Variants in MGAM observed in about 807,000 individuals in gnomAD.
The protein encoded by MGAM is alpha-1,4-glucosidase.
In MGAM, 253 loss-of-function variants were observed where a neutral mutation model predicts 358.8. The ratio of observed to expected loss-of-function variants is 0.71; its 90% CI spans 0.64 to 0.78. The LOEUF is 0.78. Among genes scored for constraint, MGAM ranks in the 30% least tolerant of loss-of-function variants. The pLI, the probability that MGAM is intolerant of heterozygous loss-of-function variation, is 0.00. For missense variants in MGAM, 3,080 were observed against 3,432.6 expected, an observed-to-expected ratio of 0.90 and a Z score of 2.57; for synonymous variants, 1,105 against 1,227.1, an observed-to-expected ratio of 0.90 and a Z score of 2.08.
At chr7:142,048,272 C>T (rs1810589097) in intron 22 of MGAM, among the ~76,000 whole-genome samples, 1 of 151,500 alleles carries the variant, frequency 6.6e-6, no homozygotes, top group Non-Finnish European at 1.5e-5. Context: ...TCTGTCTCAG[C>T]CTCCCGCGTA....
In MGAM at chr7:142,055,598, T is replaced by G. The variant is rs1370750446; in HGVS notation, c.3355T>G (p.Phe1119Val). Residue 1119 changes from phenylalanine to valine, a missense_variant, in exon 28 of 71, where the codon TTT (phenylalanine) becomes GTT (valine). Phe to Val is a conservative substitution (Grantham distance 50). Coordinates refer to ENST00000475668, the MANE Select transcript of MGAM (RefSeq NM_001365693.1). ...CCTTGGCTTTACCTTCAGTGACATG[T>G]TTATCCGCATCTCCACCCGCCTTCC... Reference protein sequence around the residue: ...QLLGFTFSDMFIRISTRLPSK... With the variant: ...QLLGFTFSDMVIRISTRLPSK... The G allele has an allele frequency of 1.2e-6, 2 of 1,613,898 alleles. No homozygotes were observed. The highest frequency in any genetic ancestry group is 2.2e-5 in the East Asian group (1 of 44,870).
Position 142,094,761 on chromosome 7 carries a change from C to A in MGAM, c.7356C>A (p.Ile2452=). ...LFGISYTGAD[I]CGFFQDAEYE... is the part of the protein sequence containing the mutation. ...TCTTGTTTCAGACGGGAGCAGATAT[C>A]TGTGGGTTCTTTCAAGATGCTGAAT... The change falls in exon 63 of 71, where the codon ATC becomes ATA. Residue 2452 remains isoleucine (I), a synonymous_variant. Coordinates refer to ENST00000475668, the MANE Select transcript of MGAM (RefSeq NM_001365693.1). The A allele has an allele frequency of 2.5e-6, 4 of 1,613,790 alleles. No homozygotes were observed. Among genetic ancestry groups the A allele is most frequent in the Non-Finnish European group, 3.4e-6 (4 of 1,179,856 alleles).
chr7:141,991,968 T>C (rs782745645), upstream of MGAM, among the ~76,000 whole-genome samples: 7 of 152,112 alleles, frequency 4.6e-5, no homozygotes, highest in Non-Finnish European at 8.8e-5. Context: ...ACATCATAGA[T>C]GTTGTGCAGG....
intron 9 of MGAM, 55 bp downstream of exon 9, chr7:142,027,282 TA>T (rs1318216244): frequency 7.3e-6 from 10 of 1,373,460 alleles, no homozygotes; most frequent in Non-Finnish European, 9.3e-6. Flanking sequence ...GCAAATATTT[TA>T]AAAAAGTAAA....
chr7:142,017,738 G>A (rs782782727), intron 3 of MGAM, among the ~76,000 whole-genome samples: 10 of 152,184 alleles, frequency 6.6e-5, no homozygotes, highest in Non-Finnish European at 1.0e-4. Context: ...TATGGACATC[G>A]TTGTTTATCC....
chr7:142,026,293 G>A (rs1401657096), intron 8 of MGAM, among the ~76,000 whole-genome samples: 4 of 151,966 alleles, frequency 2.6e-5, no homozygotes, highest in East Asian at 1.9e-4. Context: ...CAATAATGAC[G>A]GGGTATGTGG....
At chr7:142,036,555 G>A (rs1316702629) in intron 17 of MGAM, among the ~76,000 whole-genome samples, 1 of 152,136 alleles carries the variant, frequency 6.6e-6, no homozygotes, top group East Asian at 1.9e-4. Flanking sequence ...TACATTGTTT[G>A]CTTTTAAATA....
intron 64 of MGAM, 82 bp from the exon 65 acceptor site, chr7:142,096,249 G>C (rs1815893472): frequency 6.1e-6 from 8 of 1,312,708 alleles, no homozygotes; most frequent in Non-Finnish European, 8.7e-6. Context: ...TTCCGACTTG[G>C]ATCTGAACTT....
At chr7:142,043,762 AAT>A (rs1277872073) in intron 21 of MGAM, among the ~76,000 whole-genome samples, 6 of 85,656 alleles carry the variant, frequency 7.0e-5, no homozygotes, top group African/African-American at 2.0e-4. Flanking sequence ...TACGACATAT[AAT>A]ATATACATTA....
rs756029993 is a variant in MGAM at position 142,058,258 on chromosome 7, G to A, written c.3749G>A (p.Arg1250His). 28 of 1,613,750 alleles carry A rather than the reference G, an allele frequency of 1.7e-5. No individual in the cohort carries two copies. The highest frequency in any genetic ancestry group is 1.9e-5 in the Non-Finnish European group (23 of 1,179,844). The change falls in exon 31 of 71, where the codon CGC becomes CAC. Residue 1250 changes from arginine to histidine, a missense_variant. By Grantham distance (29) the Arg-to-His change is conservative. Transcript: ENST00000475668. The stretch of plus-strand genomic sequence containing the variant: ...TGGTCTTTGGGGTTCCAGCTGTGTC[G>A]CTATGGCTACCAGAATGACTCTGAG... ...PYWSLGFQLC[R>H]YGYQNDSEIA...
intron 2 of MGAM, among the ~76,000 whole-genome samples, chr7:141,988,435 G>A (rs529020828): frequency 1.3e-5 from 2 of 152,162 alleles, no homozygotes; most frequent in African/African-American, 4.8e-5. Flanking sequence ...CGCAATCTGG[G>A]CTCACTGCAG....
intron 14 of MGAM, among the ~76,000 whole-genome samples, chr7:142,033,633 C>T (rs1288469412): frequency 6.6e-6 from 1 of 152,126 alleles, no homozygotes; most frequent in Non-Finnish European, 1.5e-5. Context: ...ATATTTTACT[C>T]TTTTGGTGTT....
chr7:142,019,447 T>A lies in MGAM; in HGVS notation c.448+128T>A, dbSNP rs1806243488. The A allele has an allele frequency of 8.9e-6, 9 of 1,011,130 alleles. No homozygotes were observed. In the South Asian group the frequency reaches 1.7e-4, roughly 20 times the overall value. 62.6% of individuals were successfully genotyped at this position (1,011,130 alleles called of 1,614,324 possible). On this transcript the variant is annotated intron_variant, in intron 4 of 70. Transcript: ENST00000475668. ...AACCACATGTGACAGAAGGTGGGCA[T>A]TGCTCTTAATCGAGGACTAGAATCT...
intron 2 of MGAM, among the ~76,000 whole-genome samples, chr7:141,988,907 A>G (rs1034185048): frequency 6.6e-5 from 10 of 152,212 alleles, no homozygotes; most frequent in African/African-American, 2.4e-4. Flanking sequence ...CTCCTACTCC[A>G]ACTAACTCCT....
intron 4 of MGAM, 41 bp from the exon 5 acceptor site, chr7:142,020,933 G>A (rs1806390089): frequency 7.5e-7 from 1 of 1,335,780 alleles, no homozygotes; most frequent in South Asian, 1.2e-5. Flanking sequence ...TTGAGAATTT[G>A]CAGAGTCAAC....
At chr7:142,032,104 T>C (rs1807558878) in intron 13 of MGAM, among the ~76,000 whole-genome samples, 1 of 151,478 alleles carries the variant, frequency 6.6e-6, no homozygotes. Flanking sequence ...CTTACATTGT[T>C]GCAAAGTATA....
chr7:142,069,164 G>A (rs1048423353), intron 43 of MGAM, among the ~76,000 whole-genome samples: 2 of 146,236 alleles, frequency 1.4e-5, no homozygotes, highest in African/African-American at 2.4e-5. Flanking sequence ...TCAAAGAGGG[G>A]CGCTGCACAT....
chr7:142,066,078 G>A (rs1315082369), intron 40 of MGAM, among the ~76,000 whole-genome samples: 2 of 143,526 alleles, frequency 1.4e-5, no homozygotes, highest in African/African-American at 2.5e-5. Context: ...ATTGTCCCAC[G>A]TCAGCCTTCT....
chr7:142,034,088 A>G (rs1807751329), intron 14 of MGAM, among the ~76,000 whole-genome samples, 174 bp from the exon 15 acceptor site: 1 of 152,328 alleles, frequency 6.6e-6, no homozygotes. Context: ...TCATTTATAT[A>G]TCAGAGAAAC....
Sources: gnomAD v4.1 joint callset for allele counts (sites outside exome capture counted in the v4.1 genomes callset) on GRCh38, gnomAD v4.1.1 for gene constraint, MANE v1.5 for transcripts, NCBI Gene and HGNC (gene_info 2026-07-23, HGNC 2026-07-21) for gene names.